GRID2IP: variants seen among roughly 807,000 people sequenced by gnomAD.
GRID2IP encodes delphilin.
Under a neutral mutation model 114.3 loss-of-function variants are expected in GRID2IP, and 78 were observed. The observed-to-expected ratio is 0.68, with a 90% CI of 0.57 to 0.82. GRID2IP has a LOEUF of 0.82. GRID2IP is among the 40% of genes least tolerant of loss of function. GRID2IP has a pLI of 0.00. For synonymous variants in GRID2IP, 809 were observed against 724.0 expected, an observed-to-expected ratio of 1.12 and a Z score of -1.89; for missense variants, 1,727 against 1,678.5, an observed-to-expected ratio of 1.03 and a Z score of -0.51.
At chr7:6,548,919 C>G (rs1256051672) in intron 1 of GRID2IP, among the ~76,000 whole-genome samples, 1 of 151,996 alleles carries the variant, frequency 6.6e-6, no homozygotes, top group East Asian at 1.9e-4. Flanking sequence ...GCTTCATGTC[C>G]ACAGGGGTCC....
At chr7:6,524,146 G>C (rs1400018736) in intron 4 of GRID2IP, among the ~76,000 whole-genome samples, 1 of 152,270 alleles carries the variant, frequency 6.6e-6, no homozygotes, top group Admixed American at 6.5e-5. Context: ...ACTGGCCTCA[G>C]TTTCCCCCTT....
chr7:6,503,366 TGG>T, intron 16 of GRID2IP, 123 bp downstream of exon 16: 2 of 1,079,628 alleles, frequency 1.9e-6, no homozygotes, highest in Non-Finnish European at 2.6e-6. Flanking sequence ...GGTGTTAAAC[TGG>T]GACTCAGAGG....
rs555204637 is a variant in GRID2IP at position 6,524,005 on chromosome 7, G to A, written c.920-2048C>T. 6.6e-5 allele frequency among the ~76,000 whole-genome samples: 10 copies of A among 152,328 alleles called. No individual in the cohort carries two copies. In the East Asian group the frequency reaches 9.6e-4, roughly 15 times the overall value. On this transcript the variant is annotated intron_variant, in intron 4 of 21. Coordinates refer to ENST00000457091, the MANE Select transcript of GRID2IP (RefSeq NM_001145118.2). The stretch of plus-strand genomic sequence containing the variant: ...TTGGGCCTTTTGCTTACAATATGGT[G>A]TCAACAAGTTAGTGATGCCCAAATC...
chr7:6,535,298 G>C (rs912918303), intron 2 of GRID2IP, among the ~76,000 whole-genome samples: 1 of 152,220 alleles, frequency 6.6e-6, no homozygotes, highest in South Asian at 2.1e-4. Flanking sequence ...CTAAAGTGCT[G>C]GAATTACAGG....
At position 6,516,787 on chromosome 7, in the gene GRID2IP, A is replaced by T. The variant is rs955174177; in HGVS notation, c.1269-2258T>A. On this transcript the variant is annotated intron_variant, in intron 7 of 21. Transcript: ENST00000457091. The surrounding 1 kb of genome is among the most constrained non-coding windows in gnomAD (Gnocchi z 4.3). The stretch of plus-strand genomic sequence containing the variant: ...GAAAGTACTAAAGTCTTTAAAATGC[A>T]TAGAAGAAATAATTACGTAAGCTGT... Among the ~76,000 whole-genome samples, 3 of 152,208 alleles carry T rather than the reference A, an allele frequency of 2.0e-5. No homozygotes were observed. The highest frequency in any genetic ancestry group is 4.4e-5 in the Non-Finnish European group (3 of 68,036).
chr7:6,529,790 A>G (rs1302408380), intron 2 of GRID2IP, among the ~76,000 whole-genome samples: 1 of 152,114 alleles, frequency 6.6e-6, no homozygotes, highest in East Asian at 1.9e-4. Flanking sequence ...CTATGCCAAC[A>G]GGCCTCTCTC....
chr7:6,525,766 G>A, intron 4 of GRID2IP, among the ~76,000 whole-genome samples: 1 of 152,172 alleles, frequency 6.6e-6, no homozygotes, highest in East Asian at 1.9e-4. Flanking sequence ...GGCCCTTTTG[G>A]CTGTCTGAGT....
chr7:6,526,002 G>A lies in GRID2IP; in HGVS notation c.919+222C>T, dbSNP rs2115078935. On this transcript the variant is annotated intron_variant, in intron 4 of 21. Transcript: ENST00000457091. This position sits in a 1 kb window ranked among gnomAD's most constrained non-coding sequence, Gnocchi z 7.6. ...GGCAGGGGTGGGGTGCCCCAACTCA[G>A]GCAGAAGGCTCTGGCCTCAAGCATC... 6.6e-6 allele frequency among the ~76,000 whole-genome samples: 1 copy of A among 152,314 alleles called. No homozygotes were observed. Among genetic ancestry groups the A allele is most frequent in the Middle Eastern group, 3.4e-3 (1 of 294 alleles).
At position 6,526,526 on chromosome 7, in the gene GRID2IP, C is replaced by A. The variant is rs1426098200; in HGVS notation, c.828G>T (p.Ala276=). The part of the protein sequence containing the change: ...LVGGLAGPGG[A]RRTVRVYKGN... Reference sequence around the variant, plus strand: ...TGCCTGTGAGCCCCGCGTACCTGCGCGCGCCCCCGGGGCCGGCGAGGCCGC... The same window carrying A: ...TGCCTGTGAGCCCCGCGTACCTGCGAGCGCCCCCGGGGCCGGCGAGGCCGC... The change falls in exon 3 of 22, where the codon GCG becomes GCT. Residue 276 remains alanine, a synonymous_variant. Coordinates refer to ENST00000457091, the MANE Select transcript of GRID2IP (RefSeq NM_001145118.2). This position sits in a 1 kb window ranked among gnomAD's most constrained non-coding sequence, Gnocchi z 7.6. 2.4e-6 allele frequency: 3 copies of A among 1,246,902 alleles called. No individual in the cohort carries two copies. The highest frequency in any genetic ancestry group is 3.0e-6 in the Non-Finnish European group (3 of 996,148). The allele number at this position is 1,246,902 out of a possible 1,614,324, so 77.2% of individuals were successfully genotyped here. A position where few individuals can be genotyped will look rare whatever the true frequency, so the allele number is the denominator to read the frequency against.
Position 6,510,290 on chromosome 7 carries a change from G to A in GRID2IP, c.1764C>T (p.Val588=). The change falls in exon 11 of 22, where the codon GTC becomes GTT. Residue 588 remains valine (V), a synonymous_variant. Transcript: ENST00000457091. ...RASPPGPSPA[V]TTGPRTLSGV... ...CAGAGGCTGGAGCCCTACCTGTGGT[G>A]ACTGCTGGGCTGGGGCCTGGAGGGG... 6.5e-7 allele frequency: 1 copy of A among 1,540,114 alleles called. No individual in the cohort carries two copies. The highest frequency in any genetic ancestry group is 1.2e-5 in the South Asian group (1 of 82,842).
chr7:6,540,549 C>A (rs922449344), intron 1 of GRID2IP, among the ~76,000 whole-genome samples: 3 of 151,374 alleles, frequency 2.0e-5, no homozygotes, highest in Admixed American at 1.3e-4. Flanking sequence ...GTGACAGAGT[C>A]TCACTCTGCC....
intron 2 of GRID2IP, among the ~76,000 whole-genome samples, chr7:6,538,014 G>A (rs1282615995): frequency 1.3e-5 from 2 of 152,108 alleles, no homozygotes; most frequent in Admixed American, 6.6e-5. Context: ...CAGCTCTTGG[G>A]TGATTCAGTG....
chr7:6,526,173 C>T lies in GRID2IP; in HGVS notation c.919+51G>A. The stretch of plus-strand genomic sequence containing the variant: ...CCGGCAGAGCCACCACGGGGCCCTT[C>T]ACCCCATCCTGGGCCTTAGGGACTC... On this transcript the variant is annotated intron_variant, in intron 4 of 21. Coordinates refer to ENST00000457091, the MANE Select transcript of GRID2IP (RefSeq NM_001145118.2). This position sits in a 1 kb window ranked among gnomAD's most constrained non-coding sequence, Gnocchi z 7.6. The T allele has an allele frequency of 6.9e-7, 1 of 1,443,268 alleles. No individual in the cohort carries two copies. Among genetic ancestry groups the T allele is most frequent in the Non-Finnish European group, 9.5e-7 (1 of 1,049,140 alleles). 89.4% of individuals were successfully genotyped at this position (1,443,268 alleles called of 1,614,324 possible). A position where few individuals can be genotyped will look rare whatever the true frequency, so the allele number is the denominator to read the frequency against.
chr7:6,512,821 G>A (rs1779205026), intron 8 of GRID2IP, among the ~76,000 whole-genome samples: 1 of 151,884 alleles, frequency 6.6e-6, no homozygotes, highest in Non-Finnish European at 1.5e-5. Flanking sequence ...ACCCCTGGCT[G>A]ATTTTTAAAT....
rs1779417309 is a variant in GRID2IP, at chr7:6,521,810, G to C, written c.989+78C>G. 4 of 1,075,096 alleles carry C rather than the reference G, an allele frequency of 3.7e-6. No homozygotes were observed. The highest frequency in any genetic ancestry group is 4.1e-5 in the Admixed American group (2 of 48,570). 66.6% of individuals were successfully genotyped at this position (1,075,096 alleles called of 1,614,324 possible). A position where few individuals can be genotyped will look rare whatever the true frequency, so the allele number is the denominator to read the frequency against. On this transcript the variant is annotated intron_variant, in intron 5 of 21. Transcript: ENST00000457091. This position sits in a 1 kb window ranked among gnomAD's most constrained non-coding sequence, Gnocchi z 4.1. ...AGAGGAGATTGTGATCACAGCCTGG[G>C]TGCCCCAAGAGGCAGGAGTCTTGCA...
chr7:6,546,145 G>C (rs1456762066), intron 1 of GRID2IP, among the ~76,000 whole-genome samples: 6 of 151,716 alleles, frequency 4.0e-5, no homozygotes, highest in African/African-American at 9.7e-5. Flanking sequence ...GCGCAGGCGA[G>C]AACTGGAGGG....
Position 6,508,131 on chromosome 7 carries a change from G to C in GRID2IP, c.2398C>G (p.Pro800Ala), listed in dbSNP as rs568854128. 6.6e-7 allele frequency: 1 copy of C among 1,512,054 alleles called. No homozygotes were observed. The highest frequency in any genetic ancestry group is 8.9e-7 in the Non-Finnish European group (1 of 1,129,616). 93.7% of individuals were successfully genotyped at this position (1,512,054 alleles called of 1,614,324 possible). Reference sequence around the variant, plus strand: ...GGCACGGGTGGGGGCAGGGGCGGTGGGGGTGGTGGAGGGACTGGGTGGCTG... The same window carrying C: ...GGCACGGGTGGGGGCAGGGGCGGTGCGGGTGGTGGAGGGACTGGGTGGCTG... ...QLSHPVPPPP[P>A]PPLPPPVPCA... is the part of the protein sequence containing the mutation. Residue 800 changes from proline (P) to alanine (A), a missense_variant, in exon 13 of 22, where the codon CCA becomes GCA. Physicochemically the swap from Pro to Ala is conservative, Grantham distance 27 (BLOSUM62 -1). Transcript: ENST00000457091. This position sits in a 1 kb window ranked among gnomAD's most constrained non-coding sequence, Gnocchi z 5.6.
In GRID2IP at chr7:6,532,514, A is replaced by G. The variant is rs2115088599; in HGVS notation, c.585-5745T>C. 6.6e-6 allele frequency among the ~76,000 whole-genome samples: 1 copy of G among 152,124 alleles called. No homozygotes were observed. Among genetic ancestry groups the G allele is most frequent in the African/African-American group, 2.4e-5 (1 of 41,488 alleles). Reference sequence around the variant, plus strand: ...CCCCATTCCTGGCCCTTGCAAGACCATCACTTTGCTGTGACCCCCCGTGGC... The same window carrying G: ...CCCCATTCCTGGCCCTTGCAAGACCGTCACTTTGCTGTGACCCCCCGTGGC... On this transcript the variant is annotated intron_variant, in intron 2 of 21. Coordinates refer to ENST00000457091, the MANE Select transcript of GRID2IP (RefSeq NM_001145118.2). This position sits in a 1 kb window ranked among gnomAD's most constrained non-coding sequence, Gnocchi z 4.4.
intron 8 of GRID2IP, 58 bp from the exon 9 acceptor site, chr7:6,511,097 T>A: frequency 7.5e-7 from 1 of 1,334,950 alleles, no homozygotes; most frequent in Admixed American, 3.9e-5. Context: ...ACAAGGGACC[T>A]CCAAAACAGG....
Sources: allele counts gnomAD v4.1 joint callset (sites outside exome capture counted in the v4.1 genomes callset), GRCh38; gene constraint gnomAD v4.1.1; non-coding constraint Gnocchi (gnomAD v3.1); transcripts MANE v1.5; gene names NCBI Gene and HGNC (gene_info 2026-07-23, HGNC 2026-07-21).